DYM: variants seen among roughly 807,000 people sequenced by gnomAD.
DYM encodes the protein dyggve-Melchior-Clausen syndrome protein.
DYM carries 78 observed loss-of-function variants against 93.1 expected under a neutral mutation model. That is an observed-to-expected ratio of 0.84 (90% confidence interval 0.70 to 1.01). The LOEUF (loss-of-function observed/expected upper bound fraction) is 1.01, where lower values mean the gene tolerates loss of function less well. Among genes scored for constraint, DYM ranks in the 50% least tolerant of loss-of-function variants. The probability of loss-of-function intolerance (pLI) is 0.00; values close to 1 mark genes in which losing one functional copy is unlikely to be tolerated. For missense variants in DYM, 789 were observed against 845.0 expected, an observed-to-expected ratio of 0.93 and a Z score of 0.82; for synonymous variants, 321 against 319.7, an observed-to-expected ratio of 1.00 and a Z score of -0.04.
chr18:49,271,267 T>C (rs1224199231), intron 11 of DYM, among the ~76,000 whole-genome samples: 5 of 152,094 alleles, frequency 3.3e-5, no homozygotes, highest in South Asian at 2.1e-4. Flanking sequence ...TGGTAAAACA[T>C]GTTCAAGAAA....
At chr18:49,295,529 T>C (rs1568195120) in intron 8 of DYM, among the ~76,000 whole-genome samples, 1 of 152,254 alleles carries the variant, frequency 6.6e-6, no homozygotes, top group East Asian at 1.9e-4. Context: ...AGCCAAACCA[T>C]GTATGAGGAC....
intron 13 of DYM, among the ~76,000 whole-genome samples, chr18:49,246,486 CAG>C (rs944692649): frequency 2.0e-5 from 3 of 152,180 alleles, no homozygotes; most frequent in Non-Finnish European, 4.4e-5. Context: ...TTGTAAAAGA[CAG>C]AGAGAAAGCG....
rs1282201972 is a variant in DYM at position 49,039,474 on chromosome 18, C to A, written c.*4581G>T. On this transcript the variant is annotated 3_prime_UTR_variant, in exon 18 of 18. Transcript: ENST00000675505. ...TCATGAGTTTTGGAAAAGTTCTCAG[C>A]CATTTGTTTAAATATTCCTTTCTTC... Among the ~76,000 whole-genome samples the A allele has an allele frequency of 6.6e-6, 1 of 152,104 alleles. No individual in the cohort carries two copies. Among genetic ancestry groups the A allele is most frequent in the Non-Finnish European group, 1.5e-5 (1 of 68,016 alleles).
At chr18:49,459,986 A>G (rs1428998789) in intron 1 of DYM, among the ~76,000 whole-genome samples, 3 of 152,164 alleles carry the variant, frequency 2.0e-5, no homozygotes, top group South Asian at 2.1e-4. Flanking sequence ...CTGTGAATAT[A>G]CTAAAAACCA....
chr18:49,110,836 T>C (rs1216877444), intron 16 of DYM, among the ~76,000 whole-genome samples: 2 of 152,326 alleles, frequency 1.3e-5, no homozygotes, highest in South Asian at 2.1e-4. Flanking sequence ...ATTATATGTA[T>C]ATTGAATCAT....
At chr18:49,279,892 G>A (rs946307516) in intron 10 of DYM, among the ~76,000 whole-genome samples, 4 of 152,086 alleles carry the variant, frequency 2.6e-5, no homozygotes, top group Admixed American at 2.0e-4. Context: ...ATCTGATGTA[G>A]AATACATTCA....
intron 5 of DYM, among the ~76,000 whole-genome samples, chr18:49,363,717 C>T (rs548264460): frequency 1.7e-3 from 263 of 152,270 alleles, no homozygotes; most frequent in African/African-American, 6.1e-3. Context: ...TGGCACTCCA[C>T]GGATCATAGA....
At chr18:49,409,687 C>T (rs1011199445) in intron 2 of DYM, among the ~76,000 whole-genome samples, 2 of 152,174 alleles carry the variant, frequency 1.3e-5, no homozygotes, top group Non-Finnish European at 2.9e-5. Context: ...GCCTGTAGTT[C>T]AAGAATTCAA....
chr18:49,301,363 A>G (rs2060920278), intron 8 of DYM, among the ~76,000 whole-genome samples: 1 of 152,046 alleles, frequency 6.6e-6, no homozygotes, highest in African/African-American at 2.4e-5. Context: ...TACTAAAAAT[A>G]CAAAAAAATT....
rs543555991 is a variant in DYM, at chr18:49,384,609, A to G, written c.194-4851T>C. Among the ~76,000 whole-genome samples, 10 of 126,654 alleles carry G rather than the reference A, an allele frequency of 7.9e-5. No individual in the cohort carries two copies. The South Asian group carries it at 3.3e-3, about 42-fold the overall frequency. 83.1% of individuals were successfully genotyped at this position (126,654 alleles called of 152,430 possible). On this transcript the variant is annotated intron_variant, in intron 3 of 17. Transcript: ENST00000675505. ...CACTGCACTCCAGCCTGGGAGACAC[A>G]GCAACACTCCATCTCAAAAAAAAAA... is the stretch of plus-strand genomic sequence containing the variant.
chr18:49,290,017 T>G (rs2060007619), intron 8 of DYM, among the ~76,000 whole-genome samples: 1 of 151,294 alleles, frequency 6.6e-6, no homozygotes, highest in African/African-American at 2.4e-5. Context: ...AAAGTACATT[T>G]GGCAGTTTTC....
At chr18:49,415,301 CAG>C (rs2072803092) in intron 2 of DYM, among the ~76,000 whole-genome samples, 1 of 103,106 alleles carries the variant, frequency 9.7e-6, no homozygotes, top group Non-Finnish European at 1.8e-5. Flanking sequence ...GTCTGGGAGA[CAG>C]AGTGAGACTG....
chr18:49,382,264 A>G (rs941573013), intron 3 of DYM, among the ~76,000 whole-genome samples: 1 of 152,224 alleles, frequency 6.6e-6, no homozygotes, highest in Non-Finnish European at 1.5e-5. Flanking sequence ...TGAGCTACTC[A>G]TATGTGCCCA....
chr18:49,251,525 C>T (rs868080779), intron 13 of DYM, among the ~76,000 whole-genome samples: 3 of 152,242 alleles, frequency 2.0e-5, no homozygotes, highest in Middle Eastern at 3.4e-3. Flanking sequence ...CAGTTTTAAA[C>T]ATAATGAAAG....
At chr18:49,375,229 CAT>C (rs961940597) in intron 5 of DYM, among the ~76,000 whole-genome samples, 1 of 145,762 alleles carries the variant, frequency 6.9e-6, no homozygotes, top group African/African-American at 2.6e-5. Context: ...CACACACACA[CAT>C]CTATACCTAC....
intron 16 of DYM, among the ~76,000 whole-genome samples, chr18:49,110,905 T>C (rs529423737): frequency 2.0e-4 from 30 of 152,348 alleles, no homozygotes; most frequent in Middle Eastern, 3.4e-3. Flanking sequence ...GTTTTTCTTA[T>C]TGTATTTATT....
intron 14 of DYM, among the ~76,000 whole-genome samples, chr18:49,195,916 C>CTTTTGTTTTTT (rs2091396516): frequency 1.2e-5 from 1 of 84,026 alleles, no homozygotes; most frequent in African/African-American, 5.6e-5. Context: ...ATGCTACCAT[C>CTTTTGTTTTTT]TTTTTTTTTT....
At chr18:49,132,721 T>C (rs1294663103) in intron 15 of DYM, among the ~76,000 whole-genome samples, 2 of 152,128 alleles carry the variant, frequency 1.3e-5, no homozygotes, top group African/African-American at 2.4e-5. Context: ...AAATTCAACA[T>C]TGTGCTAAAA....
intron 10 of DYM, among the ~76,000 whole-genome samples, chr18:49,281,166 A>G (rs902267251): frequency 3.3e-5 from 5 of 152,272 alleles, no homozygotes; most frequent in African/African-American, 1.2e-4. Context: ...ACTTCTCAAA[A>G]GAAGACATTT....
Sources: gnomAD v4.1 joint callset for allele counts (sites outside exome capture counted in the v4.1 genomes callset) on GRCh38, gnomAD v4.1.1 for gene constraint, MANE v1.5 for transcripts, NCBI Gene and HGNC (gene_info 2026-07-23, HGNC 2026-07-21) for gene names.